The following NRXN3 variants were observed in gnomAD, a reference collection of about 807,000 sequenced individuals.
NRXN3 encodes the protein neurexin 3, also known as neurexin III.
In NRXN3, 32 loss-of-function variants were observed where a neutral mutation model predicts 137.6. The observed-to-expected ratio is 0.23, with a 90% confidence interval of 0.18 to 0.31. NRXN3 has a LOEUF of 0.31. Ranked by LOEUF, NRXN3 falls within the 10% of genes least tolerant of loss-of-function variation. The pLI is 1.00. For missense variants in NRXN3, 1,574 were observed against 2,062.5 expected (o/e 0.76, Z 4.59); for synonymous variants, 798 against 784.5 (o/e 1.02, Z -0.29).
chr14:79,480,164 G>A (rs1035664933), intron 16 of NRXN3, among the ~76,000 whole-genome samples: 1 of 152,154 alleles, frequency 6.6e-6, no homozygotes, highest in Non-Finnish European at 1.5e-5. Context: ...TAGCAGCAGA[G>A]TATAGTAAAT....
chr14:78,627,781 T>G (rs2097481235), intron 4 of NRXN3, among the ~76,000 whole-genome samples: 1 of 152,132 alleles, frequency 6.6e-6, no homozygotes, highest in African/African-American at 2.4e-5. Context: ...AAATGTGTGG[T>G]TTTTAAAGCA....
At chr14:79,747,087 C>G (rs1254521824) in intron 19 of NRXN3, among the ~76,000 whole-genome samples, 2 of 152,092 alleles carry the variant, frequency 1.3e-5, no homozygotes, top group Non-Finnish European at 2.9e-5. Context: ...AGAAATGAGA[C>G]TTCAGAGCTC....
intron 15 of NRXN3, among the ~76,000 whole-genome samples, chr14:79,326,298 C>T (rs1261366499): frequency 1.3e-5 from 2 of 152,124 alleles, no homozygotes; most frequent in East Asian, 1.9e-4. Flanking sequence ...ATTAACAATA[C>T]TGCTTACTGG....
chr14:79,702,926 GAAAAA>G (rs35832451), intron 19 of NRXN3, among the ~76,000 whole-genome samples: 3 of 129,448 alleles, frequency 2.3e-5, no homozygotes, highest in Non-Finnish European at 5.0e-5. Context: ...GTTATCAGCA[GAAAAA>G]AAAAAAAGCT....
chr14:79,280,366 C>T (rs745530957), intron 15 of NRXN3: 42 of 1,614,132 alleles, frequency 2.6e-5, no homozygotes, highest in Non-Finnish European at 3.5e-5. Context: ...GGTTCCTGTT[C>T]TGGGGATGTA....
chr14:78,693,585 T>C (rs2098194452), intron 6 of NRXN3, among the ~76,000 whole-genome samples: 1 of 151,528 alleles, frequency 6.6e-6, no homozygotes, highest in Admixed American at 6.6e-5. Flanking sequence ...CAATAATAAT[T>C]CCTTTCAAAG....
In NRXN3 at chr14:78,537,320, CTCATTGTGGTT is replaced by C. The variant is rs112787116; in HGVS notation, c.758-107798_758-107788del. On this transcript the variant is annotated intron_variant, in intron 4 of 20. Transcript: ENST00000335750. ...CATTCTAACTGGTGTGAGATGCTAT[CTCATTGTGGTT>C]TTGATTTGCATTTCTCTGATGACTG... Among the ~76,000 whole-genome samples the C allele has an allele frequency of 1.5e-3, 227 of 152,334 alleles. 1 individual carries two copies. Among genetic ancestry groups the C allele is most frequent in the African/African-American group, 5.4e-3 (223 of 41,568 alleles).
chr14:79,477,583 C>T (rs909120044), intron 16 of NRXN3, among the ~76,000 whole-genome samples: 10 of 151,924 alleles, frequency 6.6e-5, no homozygotes, highest in African/African-American at 1.7e-4. Flanking sequence ...AGTTTTATAC[C>T]AATGATCGAT....
At chr14:79,851,677 T>C (rs2099391751) in intron 20 of NRXN3, among the ~76,000 whole-genome samples, 1 of 152,164 alleles carries the variant, frequency 6.6e-6, no homozygotes, top group Non-Finnish European at 1.5e-5. Flanking sequence ...TTCCCAGTCC[T>C]TGGTTGAACA....
At chr14:78,561,498 G>T (rs2096785615) in intron 4 of NRXN3, among the ~76,000 whole-genome samples, 1 of 152,144 alleles carries the variant, frequency 6.6e-6, no homozygotes, top group Non-Finnish European at 1.5e-5. Flanking sequence ...GGAGATTTTG[G>T]CCAGTGAATC....
At chr14:78,539,885 A>C (rs540098027) in intron 4 of NRXN3, among the ~76,000 whole-genome samples, 5 of 152,212 alleles carry the variant, frequency 3.3e-5, no homozygotes, top group Non-Finnish European at 7.3e-5. Context: ...ATTCAGGAGC[A>C]AGTTGTTCAG....
intron 19 of NRXN3, among the ~76,000 whole-genome samples, chr14:79,748,051 G>C (rs1004448533): frequency 7.9e-5 from 12 of 151,956 alleles, no homozygotes; most frequent in Non-Finnish European, 7.4e-5. Flanking sequence ...TGTCGGGGAG[G>C]GGGAGGGAGA....
At chr14:79,178,557 T>C (rs2062596090) in intron 15 of NRXN3, among the ~76,000 whole-genome samples, 1 of 152,316 alleles carries the variant, frequency 6.6e-6, no homozygotes, top group South Asian at 2.1e-4. Context: ...CTATTGTTAC[T>C]AATTTATTGC....
chr14:78,273,504 G>C (rs1024489967), intron 2 of NRXN3, among the ~76,000 whole-genome samples: 16 of 152,112 alleles, frequency 1.1e-4, no homozygotes, highest in African/African-American at 3.9e-4. Context: ...CAGAAGGGAC[G>C]CAGCTGCAGG....
At chr14:78,358,495 G>A (rs2084650907) in intron 4 of NRXN3, among the ~76,000 whole-genome samples, 1 of 152,144 alleles carries the variant, frequency 6.6e-6, no homozygotes, top group Non-Finnish European at 1.5e-5. Context: ...GAGCGGGCTG[G>A]TATAACCGCT....
chr14:78,681,755 G>C (rs2083369303), intron 6 of NRXN3, among the ~76,000 whole-genome samples: 1 of 152,092 alleles, frequency 6.6e-6, no homozygotes, highest in Non-Finnish European at 1.5e-5. Context: ...CGCACCCCAT[G>C]TATGTTCTCT....
At chr14:78,238,112 A>G (rs111832538) in intron 1 of NRXN3, among the ~76,000 whole-genome samples, 1,571 of 151,744 alleles carry the variant, frequency 0.01, 20 homozygotes, top group African/African-American at 0.035. Flanking sequence ...CCTTGTGGCA[A>G]ATAGCCCACA....
intron 10 of NRXN3, among the ~76,000 whole-genome samples, chr14:78,918,514 ACTGT>A (rs1436533936): frequency 6.6e-6 from 1 of 152,148 alleles, no homozygotes; most frequent in Non-Finnish European, 1.5e-5. Flanking sequence ...TAAACTTTAG[ACTGT>A]CTGAGATCAG....
chr14:79,193,135 A>C (rs2064639077), intron 15 of NRXN3, among the ~76,000 whole-genome samples: 1 of 10,036 alleles, frequency 1.0e-4, no homozygotes, highest in South Asian at 0.011. Flanking sequence ...GAAGGGTTTT[A>C]AAGACAAAAA....
Sources: allele counts gnomAD v4.1 joint callset (sites outside exome capture counted in the v4.1 genomes callset), GRCh38; gene constraint gnomAD v4.1.1; transcripts MANE v1.5; gene names NCBI Gene and HGNC (gene_info 2026-07-23, HGNC 2026-07-21).